RUNDC3B: variants seen among roughly 807,000 people sequenced by gnomAD.
The protein encoded by RUNDC3B is RUN domain-containing protein 3B.
Under a neutral mutation model 58.4 loss-of-function variants are expected in RUNDC3B, and 33 were observed. The observed-to-expected ratio is 0.56, with a 90% CI of 0.43 to 0.75. RUNDC3B has a LOEUF of 0.75. Among genes scored for constraint, RUNDC3B ranks in the 30% least tolerant of loss-of-function variants. The pLI is 0.00. For missense variants in RUNDC3B, 501 were observed against 535.7 expected (o/e 0.94, Z 0.64); for synonymous variants, 193 against 195.2 (o/e 0.99, Z 0.10).
At chr7:87,719,879 G>A (rs571379861) in intron 4 of RUNDC3B, among the ~76,000 whole-genome samples, 93 of 150,572 alleles carry the variant, frequency 6.2e-4, no homozygotes, top group Admixed American at 1.7e-3. Context: ...ATTTCAGGAT[G>A]AGATAAAACA....
At chr7:87,630,061 T>A (rs1347412129) in intron 1 of RUNDC3B, among the ~76,000 whole-genome samples, 1 of 152,194 alleles carries the variant, frequency 6.6e-6, no homozygotes, top group Non-Finnish European at 1.5e-5. Flanking sequence ...TCTTAGGAAC[T>A]TCTCTGAGCC....
At chr7:87,662,488 A>C (rs1278911428) in intron 2 of RUNDC3B, among the ~76,000 whole-genome samples, 2 of 152,188 alleles carry the variant, frequency 1.3e-5, no homozygotes, top group African/African-American at 4.8e-5. Context: ...CAGTTTTCCC[A>C]GCACCATTTA....
chr7:87,813,803 C>A (rs911243854), intron 9 of RUNDC3B, among the ~76,000 whole-genome samples: 2 of 151,596 alleles, frequency 1.3e-5, no homozygotes, highest in Non-Finnish European at 2.9e-5. Context: ...CACGGTGAAA[C>A]CCCGTCTCTA....
chr7:87,685,236 C>G (rs1258857792), intron 2 of RUNDC3B, among the ~76,000 whole-genome samples: 1 of 152,002 alleles, frequency 6.6e-6, no homozygotes, highest in East Asian at 1.9e-4. Flanking sequence ...CTATAAAAAC[C>G]TTAATAATAT....
chr7:87,764,232 G>A (rs933144127), intron 6 of RUNDC3B, among the ~76,000 whole-genome samples: 1 of 151,824 alleles, frequency 6.6e-6, no homozygotes, highest in Non-Finnish European at 1.5e-5. Flanking sequence ...GGTAAGACAT[G>A]TGTAAGACTT....
At chr7:87,714,753 C>T (rs904434883) in intron 4 of RUNDC3B, among the ~76,000 whole-genome samples, 22 of 151,940 alleles carry the variant, frequency 1.4e-4, no homozygotes, top group African/African-American at 4.8e-4. Context: ...CCTATCTTAT[C>T]CATATGGACA....
chr7:87,629,108 G>GT (rs1820931373), intron 1 of RUNDC3B, 163 bp downstream of exon 1: 1 of 595,840 alleles, frequency 1.7e-6, no homozygotes, highest in African/African-American at 1.9e-5. Flanking sequence ...TTGGACAGGG[G>GT]CCCGGGTCTG....
chr7:87,784,577 G>A (rs969713069), intron 8 of RUNDC3B, among the ~76,000 whole-genome samples: 4 of 152,060 alleles, frequency 2.6e-5, no homozygotes, highest in Non-Finnish European at 4.4e-5. Flanking sequence ...GTTTGGTGGT[G>A]TAATTCAGGC....
At chr7:87,737,814 ACTTAT>A (rs1052081251) in intron 4 of RUNDC3B, among the ~76,000 whole-genome samples, 12 of 152,072 alleles carry the variant, frequency 7.9e-5, no homozygotes, top group African/African-American at 2.2e-4. Flanking sequence ...CAACCATTTT[ACTTAT>A]CTTAAATCAT....
chr7:87,733,021 C>T (rs1010287779), intron 4 of RUNDC3B, among the ~76,000 whole-genome samples: 34 of 152,236 alleles, frequency 2.2e-4, no homozygotes, highest in African/African-American at 7.5e-4. Context: ...GCTAGACAAC[C>T]GGTTAGACCA....
At chr7:87,808,727 T>C (rs1836562382) in intron 9 of RUNDC3B, among the ~76,000 whole-genome samples, 1 of 152,120 alleles carries the variant, frequency 6.6e-6, no homozygotes, top group Non-Finnish European at 1.5e-5. Context: ...CTTATGAAAG[T>C]TATTAATAAC....
At chr7:87,662,869 C>T (rs938928325) in intron 2 of RUNDC3B, among the ~76,000 whole-genome samples, 1 of 152,004 alleles carries the variant, frequency 6.6e-6, no homozygotes, top group Non-Finnish European at 1.5e-5. Context: ...CAATAGTCTT[C>T]CAATTCACTA....
intron 10 of RUNDC3B, among the ~76,000 whole-genome samples, chr7:87,822,333 A>G (rs1837515044): frequency 1.3e-5 from 2 of 152,252 alleles, no homozygotes; most frequent in Admixed American, 1.3e-4. Context: ...CAAAACCACA[A>G]TGAGATACCG....
intron 6 of RUNDC3B, among the ~76,000 whole-genome samples, chr7:87,743,230 G>A (rs969549327): frequency 1.3e-5 from 2 of 152,184 alleles, no homozygotes; most frequent in Non-Finnish European, 2.9e-5. Context: ...TGAGCATTTG[G>A]GTTGGTTCCA....
intron 8 of RUNDC3B, among the ~76,000 whole-genome samples, chr7:87,787,987 G>T (rs539026884): frequency 1.3e-5 from 2 of 152,142 alleles, no homozygotes; most frequent in South Asian, 2.1e-4. Flanking sequence ...AATAGTATTT[G>T]TATGTACCAT....
At chr7:87,688,647 T>C (rs907730658) in intron 2 of RUNDC3B, among the ~76,000 whole-genome samples, 7 of 152,018 alleles carry the variant, frequency 4.6e-5, no homozygotes, top group African/African-American at 7.2e-5. Flanking sequence ...TATTTTGTAC[T>C]TATTTTTCAT....
chr7:87,642,368 G>A (rs1584979056), intron 1 of RUNDC3B, among the ~76,000 whole-genome samples: 2 of 151,886 alleles, frequency 1.3e-5, no homozygotes, highest in East Asian at 1.9e-4. Context: ...TGCTTTTAAT[G>A]TCTAGCTTAC....
At chr7:87,718,268 C>A (rs1366573896) in intron 4 of RUNDC3B, among the ~76,000 whole-genome samples, 1 of 152,122 alleles carries the variant, frequency 6.6e-6, no homozygotes, top group Non-Finnish European at 1.5e-5. Context: ...CTTTGGACAA[C>A]ATACATGAAA....
At chr7:87,631,492 G>A (rs796652878) in intron 1 of RUNDC3B, among the ~76,000 whole-genome samples, 1 of 152,116 alleles carries the variant, frequency 6.6e-6, no homozygotes, top group East Asian at 1.9e-4. Context: ...CCGGGTTCAC[G>A]CCATTCTCCT....
Sources: allele counts gnomAD v4.1 joint callset (sites outside exome capture counted in the v4.1 genomes callset), GRCh38; gene constraint gnomAD v4.1.1; transcripts MANE v1.5; gene names NCBI Gene and HGNC (gene_info 2026-07-23, HGNC 2026-07-21).